The following GRIA4 variants were observed in gnomAD, a reference collection of about 807,000 sequenced individuals.
GRIA4 encodes the protein glutamate ionotropic receptor AMPA type subunit 4, also known as glutamate receptor 4.
GRIA4 carries 34 observed loss-of-function variants against 104.0 expected under a neutral mutation model. The observed-to-expected ratio is 0.33, with a 90% CI of 0.25 to 0.44. The LOEUF (loss-of-function observed/expected upper bound fraction) is 0.44, where lower values mean the gene tolerates loss of function less well. Ranked by LOEUF, GRIA4 falls within the 20% of genes least tolerant of loss-of-function variation. GRIA4 has a pLI of 1.00. For missense variants in GRIA4, 750 were observed against 1,096.5 expected, an observed-to-expected ratio of 0.68 and a Z score of 4.46; for synonymous variants, 386 against 381.9, an observed-to-expected ratio of 1.01 and a Z score of -0.13.
At chr11:105,739,447 A>G (rs1939174615) in intron 3 of GRIA4, among the ~76,000 whole-genome samples, 1 of 152,206 alleles carries the variant, frequency 6.6e-6, no homozygotes. Context: ...AGCTTCAGAG[A>G]AGACATCTGA....
At chr11:105,939,435 T>G (rs1473229495) in intron 14 of GRIA4, among the ~76,000 whole-genome samples, 1 of 152,198 alleles carries the variant, frequency 6.6e-6, no homozygotes, top group Non-Finnish European at 1.5e-5. Context: ...GCAGTTTACT[T>G]AGAAGTAACC....
intron 13 of GRIA4, among the ~76,000 whole-genome samples, chr11:105,929,340 A>G (rs2249031): frequency 0.11 from 16,233 of 152,130 alleles, 1,568 homozygotes; most frequent in African/African-American, 0.26. Flanking sequence ...AAAAAATGCC[A>G]CAGTTATAAT....
At chr11:105,640,264 A>T (rs1951321792) in intron 3 of GRIA4, among the ~76,000 whole-genome samples, 1 of 151,946 alleles carries the variant, frequency 6.6e-6, no homozygotes, top group South Asian at 2.1e-4. Context: ...AATTAATTTT[A>T]AAATCTCATA....
rs543745272 is a variant in GRIA4, at chr11:105,932,058, T to C, written c.2047-1664T>C. On this transcript the variant is annotated intron_variant, in intron 13 of 16. Coordinates refer to ENST00000282499, the MANE Select transcript of GRIA4 (RefSeq NM_000829.4). ...GAATGAGGTCTTCACTTTTTTTTTT[T>C]TTGGATTCAGATACAAAATTGCAGC... 4.4e-3 allele frequency among the ~76,000 whole-genome samples: 672 copies of C among 152,238 alleles called. 5 individuals carry two copies. The highest frequency in any genetic ancestry group is 6.9e-3 in the Non-Finnish European group (471 of 68,004).
intron 6 of GRIA4, among the ~76,000 whole-genome samples, chr11:105,897,484 C>T (rs1946692881): frequency 6.6e-6 from 1 of 151,850 alleles, no homozygotes; most frequent in Non-Finnish European, 1.5e-5. Flanking sequence ...TTGTCTTGTT[C>T]CAGTTATTAG....
intron 4 of GRIA4, among the ~76,000 whole-genome samples, chr11:105,839,967 C>G (rs1944335951): frequency 1.3e-5 from 2 of 151,966 alleles, no homozygotes. Flanking sequence ...TAGGCTTAAG[C>G]CTACCTTATC....
chr11:105,943,397 C>G (rs1016627750), intron 14 of GRIA4, among the ~76,000 whole-genome samples: 1 of 152,074 alleles, frequency 6.6e-6, no homozygotes, highest in African/African-American at 2.4e-5. Flanking sequence ...AAGTGAAGCA[C>G]AGGCCTATAA....
chr11:105,794,444 TG>T (rs1942363419), intron 4 of GRIA4, among the ~76,000 whole-genome samples: 1 of 117,992 alleles, frequency 8.5e-6, no homozygotes, highest in Non-Finnish European at 1.7e-5. Flanking sequence ...TGTGTGTGTG[TG>T]TGTGTGTCTG....
chr11:105,614,494 T>C (rs1354750359), intron 3 of GRIA4: 1 of 151,748 alleles, frequency 6.6e-6, no homozygotes, highest in Non-Finnish European at 1.5e-5. Context: ...TAGAAAAAAA[T>C]ATGAAACGTA....
chr11:105,925,336 T>C (rs1488077219), intron 12 of GRIA4, among the ~76,000 whole-genome samples: 1 of 152,112 alleles, frequency 6.6e-6, no homozygotes, highest in East Asian at 1.9e-4. Flanking sequence ...ATGGAAATGT[T>C]TTTCAATATC....
intron 3 of GRIA4, among the ~76,000 whole-genome samples, chr11:105,718,302 A>G (rs1954170688): frequency 6.6e-6 from 1 of 152,150 alleles, no homozygotes; most frequent in Admixed American, 6.6e-5. Flanking sequence ...CATTAGTGTA[A>G]TTATTTTAAG....
At chr11:105,959,733 T>C (rs1193518498) in intron 14 of GRIA4, among the ~76,000 whole-genome samples, 1 of 152,206 alleles carries the variant, frequency 6.6e-6, no homozygotes, top group Non-Finnish European at 1.5e-5. Flanking sequence ...CTCATCTTCA[T>C]GAGTTTGTCT....
intron 4 of GRIA4, among the ~76,000 whole-genome samples, chr11:105,853,026 T>C (rs1302120541): frequency 7.9e-6 from 1 of 126,138 alleles, no homozygotes; most frequent in South Asian, 2.4e-4. Context: ...GTGTAACACT[T>C]CTTTGAGTTT....
rs1953902768 is a variant in GRIA4 at position 105,711,362 on chromosome 11, A to C, written c.248-41619A>C. ...AATGGGTGCAGCACACCAACATGGC[A>C]CATGTATACTTATGTAACAAACCTG... On this transcript the variant is annotated intron_variant, in intron 3 of 16. Transcript: ENST00000282499. 2.0e-5 allele frequency among the ~76,000 whole-genome samples: 3 copies of C among 152,026 alleles called. No individual in the cohort carries two copies. In the South Asian group the frequency reaches 6.2e-4, roughly 31 times the overall value.
rs1384260311 is a variant in GRIA4 at position 105,648,515 on chromosome 11, T to TAAAGATA, written c.247+36085_247+36091dup. 8.6e-5 allele frequency among the ~76,000 whole-genome samples: 13 copies of TAAAGATA among 150,998 alleles called. 1 individual carries two copies. The East Asian group carries it at 1.7e-3, about 20-fold the overall frequency. ...ACCAATTTGAATGCCTCAAAGAGTTTAAAGATAAAATATTTGCAAAGATAT... is the reference window on the plus strand; with the variant it reads ...ACCAATTTGAATGCCTCAAAGAGTTTAAAGATAAAAGATAAAATATTTGCAAAGATAT... On this transcript the variant is annotated intron_variant, in intron 3 of 16. Transcript: ENST00000282499.
At chr11:105,678,705 T>A (rs2135459136) in intron 3 of GRIA4, among the ~76,000 whole-genome samples, 2 of 152,274 alleles carry the variant, frequency 1.3e-5, no homozygotes, top group Middle Eastern at 3.4e-3. Context: ...ATTCAGTTGA[T>A]GTTAGTGAAG....
At chr11:105,773,181 T>G (rs1941292456) in intron 4 of GRIA4, among the ~76,000 whole-genome samples, 1 of 152,146 alleles carries the variant, frequency 6.6e-6, no homozygotes, top group Non-Finnish European at 1.5e-5. Flanking sequence ...TCTCCGTGTT[T>G]GTCTATTGAA....
chr11:105,951,173 T>A (rs1473654296), intron 14 of GRIA4, among the ~76,000 whole-genome samples: 1 of 152,164 alleles, frequency 6.6e-6, no homozygotes, highest in Non-Finnish European at 1.5e-5. Flanking sequence ...GACCATGGAA[T>A]GGAATTCTGG....
At chr11:105,740,840 G>A (rs1222342153) in intron 3 of GRIA4, among the ~76,000 whole-genome samples, 2 of 152,124 alleles carry the variant, frequency 1.3e-5, no homozygotes, top group African/African-American at 4.8e-5. Flanking sequence ...GTTTGGCTAT[G>A]GTTAGTAAGC....
Sources: gnomAD v4.1 joint callset for allele counts (sites outside exome capture counted in the v4.1 genomes callset) on GRCh38, gnomAD v4.1.1 for gene constraint, MANE v1.5 for transcripts, NCBI Gene and HGNC (gene_info 2026-07-23, HGNC 2026-07-21) for gene names.